NCAM2: variants seen among roughly 807,000 people sequenced by gnomAD.
The protein encoded by NCAM2 is neural cell adhesion molecule 2.
NCAM2 carries 30 observed loss-of-function variants against 98.1 expected under a neutral mutation model. That is an observed-to-expected ratio of 0.31 (90% CI 0.23 to 0.41). NCAM2 has a LOEUF of 0.41. Among genes scored for constraint, NCAM2 ranks in the 10% least tolerant of loss-of-function variants. The pLI, the probability that NCAM2 is intolerant of heterozygous loss-of-function variation, is 1.00. For synonymous variants in NCAM2, 368 were observed against 342.4 expected, an observed-to-expected ratio of 1.07 and a Z score of -0.83; for missense variants, 867 against 1,005.8, an observed-to-expected ratio of 0.86 and a Z score of 1.87.
intron 1 of NCAM2, among the ~76,000 whole-genome samples, chr21:21,142,381 T>TTA: frequency 7.1e-6 from 1 of 141,228 alleles, no homozygotes. Flanking sequence ...TTTTATGTTT[T>TTA]TTTTTTTTTT....
intron 1 of NCAM2, among the ~76,000 whole-genome samples, chr21:21,274,021 C>T (rs923358890): frequency 9.6e-5 from 14 of 145,582 alleles, no homozygotes; most frequent in Non-Finnish European, 1.8e-4. Flanking sequence ...CAAAATTAGC[C>T]GGGCGTGGTG....
chr21:21,029,168 T>A (rs1236171597), intron 1 of NCAM2, among the ~76,000 whole-genome samples: 1 of 152,224 alleles, frequency 6.6e-6, no homozygotes, highest in East Asian at 1.9e-4. Context: ...AAGATATGCT[T>A]TTACACAAAT....
intron 8 of NCAM2, 143 bp downstream of exon 8, chr21:21,338,677 C>A: frequency 2.3e-6 from 2 of 853,888 alleles, no homozygotes; most frequent in South Asian, 4.1e-5. Context: ...AGGTAACTAA[C>A]ACAATGTCGG....
intron 10 of NCAM2, among the ~76,000 whole-genome samples, chr21:21,415,520 A>G (rs1032406185): frequency 2.6e-5 from 4 of 151,582 alleles, no homozygotes; most frequent in Non-Finnish European, 5.9e-5. Context: ...TACTTTTAGT[A>G]GAGACAGGGT....
chr21:21,493,897 A>G (rs931330747), intron 15 of NCAM2, among the ~76,000 whole-genome samples: 2 of 151,974 alleles, frequency 1.3e-5, no homozygotes, highest in African/African-American at 4.8e-5. Flanking sequence ...AGCTGGTAGC[A>G]TAAAATGTCT....
At chr21:21,446,279 A>G (rs1022424246) in intron 12 of NCAM2, among the ~76,000 whole-genome samples, 9 of 151,702 alleles carry the variant, frequency 5.9e-5, no homozygotes, top group Non-Finnish European at 7.4e-5. Context: ...TTTTATTTCA[A>G]TCTTGGAGCA....
chr21:21,013,070 C>G (rs1422260876), intron 1 of NCAM2, among the ~76,000 whole-genome samples: 1 of 152,112 alleles, frequency 6.6e-6, no homozygotes, highest in Admixed American at 6.6e-5. Context: ...AATAAATTAA[C>G]CCTACAATGG....
At chr21:21,450,447 C>T (rs1253429794) in intron 12 of NCAM2, among the ~76,000 whole-genome samples, 2 of 151,782 alleles carry the variant, frequency 1.3e-5, no homozygotes, top group Non-Finnish European at 2.9e-5. Flanking sequence ...TGGGCTCAAG[C>T]GATCTTCCCA....
Position 21,242,101 on chromosome 21 carries a change from A to T in NCAM2, c.56-38477A>T, listed in dbSNP as rs191476291. Among the ~76,000 whole-genome samples, 95 of 152,300 alleles carry T rather than the reference A, an allele frequency of 6.2e-4. 1 individual carries two copies. Among genetic ancestry groups the T allele is most frequent in the Admixed American group, 5.7e-3 (87 of 15,288 alleles). On this transcript the variant is annotated intron_variant, in intron 1 of 17. Transcript: ENST00000400546. ...GGAATTACATTAAGTGGTGAAATAC[A>T]AATTTGATATATACAAAGTACATCG... is the stretch of plus-strand genomic sequence containing the variant.
At chr21:21,537,122 G>T (rs1242874292) in intron 17 of NCAM2, among the ~76,000 whole-genome samples, 2 of 151,756 alleles carry the variant, frequency 1.3e-5, no homozygotes, top group Non-Finnish European at 2.9e-5. Context: ...TATTTGAGAT[G>T]GAGTCTTGCT....
At chr21:21,148,095 A>G (rs968405174) in intron 1 of NCAM2, among the ~76,000 whole-genome samples, 9 of 152,062 alleles carry the variant, frequency 5.9e-5, no homozygotes, top group Non-Finnish European at 1.3e-4. Flanking sequence ...AATGTATCCT[A>G]TGCTGTTCAG....
intron 1 of NCAM2, among the ~76,000 whole-genome samples, chr21:21,013,022 T>G (rs1314678030): frequency 6.6e-6 from 1 of 152,172 alleles, no homozygotes; most frequent in African/African-American, 2.4e-5. Context: ...TCTTCAGACC[T>G]TCCATTCCCT....
chr21:21,473,373 A>AATATATATAT (rs57318222), intron 14 of NCAM2, among the ~76,000 whole-genome samples: 5,660 of 140,350 alleles, frequency 0.04, 135 homozygotes, highest in Middle Eastern at 0.074. Flanking sequence ...TATATGTATA[A>AATATATATAT]ATATATATAT....
At chr21:21,221,433 T>C (rs2070150408) in intron 1 of NCAM2, among the ~76,000 whole-genome samples, 1 of 148,346 alleles carries the variant, frequency 6.7e-6, no homozygotes, top group Non-Finnish European at 1.5e-5. Flanking sequence ...TTCAAACAGT[T>C]AGCCAAGTTG....
At chr21:21,459,652 T>C (rs1396766890) in intron 12 of NCAM2, among the ~76,000 whole-genome samples, 2 of 151,266 alleles carry the variant, frequency 1.3e-5, no homozygotes, top group African/African-American at 4.8e-5. Flanking sequence ...TGCTGCATGA[T>C]CTCACTTATA....
At chr21:21,084,294 G>T (rs752339519) in intron 1 of NCAM2, among the ~76,000 whole-genome samples, 2 of 152,074 alleles carry the variant, frequency 1.3e-5, no homozygotes, top group Non-Finnish European at 2.9e-5. Context: ...ATTTTGAGGG[G>T]ACACAAACAT....
Position 21,432,089 on chromosome 21 carries a change from T to C in NCAM2, c.1481-19T>C. On this transcript the variant is annotated intron_variant, in intron 11 of 17. Transcript: ENST00000400546. ...CCCATTCCCTTGGTTATGTTTTCTT[T>C]ATATTTCTTTGTCCATAGACGTGCC... 6.2e-7 allele frequency: 1 copy of C among 1,607,600 alleles called. No homozygotes were observed. The highest frequency in any genetic ancestry group is 8.5e-7 in the Non-Finnish European group (1 of 1,175,202).
At chr21:21,041,422 A>G (rs1268438999) in intron 1 of NCAM2, among the ~76,000 whole-genome samples, 2 of 152,186 alleles carry the variant, frequency 1.3e-5, no homozygotes, top group African/African-American at 2.4e-5. Flanking sequence ...AGGTGGGCAG[A>G]CAATTCTCTT....
chr21:21,294,183 G>C (rs1319354061), intron 5 of NCAM2, among the ~76,000 whole-genome samples: 1 of 151,266 alleles, frequency 6.6e-6, no homozygotes, highest in Non-Finnish European at 1.5e-5. Flanking sequence ...ATAGCATGTT[G>C]TAATCTTTTT....
Sources: gnomAD v4.1 joint callset for allele counts (sites outside exome capture counted in the v4.1 genomes callset) on GRCh38, gnomAD v4.1.1 for gene constraint, MANE v1.5 for transcripts, NCBI Gene and HGNC (gene_info 2026-07-23, HGNC 2026-07-21) for gene names.